The following COQ10B variants were observed in gnomAD, a reference collection of about 807,000 sequenced individuals.
COQ10B encodes the protein coenzyme Q-binding protein COQ10 homolog B, mitochondrial.
In COQ10B, 12 loss-of-function variants were observed where a neutral mutation model predicts 27.6. The observed-to-expected ratio is 0.43, with a 90% CI of 0.28 to 0.70. The LOEUF is 0.70. Among genes scored for constraint, COQ10B ranks in the 30% least tolerant of loss-of-function variants. The probability of loss-of-function intolerance (pLI) is 0.17; values close to 1 mark genes in which losing one functional copy is unlikely to be tolerated. For missense variants in COQ10B, 278 were observed against 288.7 expected (o/e 0.96, Z 0.27); for synonymous variants, 115 against 103.0 (o/e 1.12, Z -0.71).
chr2:197,473,415 A>ATATATATATAT (rs1553575308), intron 4 of COQ10B, among the ~76,000 whole-genome samples: 5 of 59,500 alleles, frequency 8.4e-5, no homozygotes, highest in Admixed American at 2.2e-4. Flanking sequence ...AAAAAAAAAA[A>ATATATATATAT]ATATATATAT....
At chr2:197,458,265 C>T (rs1408800539) in intron 1 of COQ10B, among the ~76,000 whole-genome samples, 1 of 152,052 alleles carries the variant, frequency 6.6e-6, no homozygotes, top group Non-Finnish European at 1.5e-5. Flanking sequence ...TTAAATGCTA[C>T]TAATGCCTAT....
chr2:197,454,016 C>T (rs1336808002), intron 1 of COQ10B: 2 of 1,551,092 alleles, frequency 1.3e-6, no homozygotes, highest in African/African-American at 1.4e-5. Context: ...GAAGGGTTGC[C>T]GGCTGCTGGC....
Position 197,462,642 on chromosome 2 carries a change from T to C in COQ10B, c.358T>C (p.Tyr120His). 1 of 1,603,016 alleles carries C rather than the reference T, an allele frequency of 6.2e-7. No homozygotes were observed. Among genetic ancestry groups the C allele is most frequent in the Non-Finnish European group, 8.5e-7 (1 of 1,173,638 alleles). The change falls in exon 3 of 5, where the codon TAT becomes CAT. Residue 120 changes from tyrosine (Y) to histidine (H), a missense_variant. Physicochemically the swap from Tyr to His is moderately conservative, Grantham distance 83 (BLOSUM62 2). Around this residue, in one of 3 missense-constraint regions of COQ10B, gnomAD observed 183 missense variants for 158.2 expected, o/e 1.16. Coordinates refer to ENST00000263960, the MANE Select transcript of COQ10B (RefSeq NM_025147.5). The part of the protein sequence containing the change: ...KSDVISKRSG[Y>H]CKTRLEIGFP... The stretch of plus-strand genomic sequence containing the variant: ...AGATGTTATATCAAAGAGATCTGGA[T>C]ATTGTAAAACAAGATTAGAAATTGG...
intron 2 of COQ10B, among the ~76,000 whole-genome samples, chr2:197,461,556 AGTCTGT>A (rs1393909134): frequency 1.1e-5 from 1 of 89,068 alleles, no homozygotes; most frequent in East Asian, 3.0e-4. Flanking sequence ...ATACTGATTT[AGTCTGT>A]GTGTGTGTGT....
At chr2:197,460,667 T>C (rs1221011262) in intron 2 of COQ10B, among the ~76,000 whole-genome samples, 2 of 152,238 alleles carry the variant, frequency 1.3e-5, no homozygotes, top group Non-Finnish European at 2.9e-5. Flanking sequence ...TTTACATAGC[T>C]TCCTCATGTA....
At chr2:197,454,255 A>G (rs2085671656) in intron 1 of COQ10B, 1 of 975,322 alleles carries the variant, frequency 1.0e-6, no homozygotes, top group Non-Finnish European at 1.5e-6. Flanking sequence ...TGGTTGGTTC[A>G]TTTTTTGGTA....
intron 3 of COQ10B, 122 bp from the exon 4 acceptor site, chr2:197,469,948 A>G (rs181830692): frequency 8.6e-6 from 5 of 578,706 alleles, no homozygotes; most frequent in Admixed American, 3.4e-5. Flanking sequence ...TTTATCTCCT[A>G]TGGTCTGACC....
chr2:197,466,031 G>A (rs1027585239), intron 3 of COQ10B, among the ~76,000 whole-genome samples: 6 of 152,162 alleles, frequency 3.9e-5, no homozygotes, highest in Non-Finnish European at 7.3e-5. Flanking sequence ...GGCAGAGGTT[G>A]CAGTGAGCCG....
intron 2 of COQ10B, 74 bp downstream of exon 2, chr2:197,460,155 T>A (rs2085741198): frequency 3.0e-6 from 3 of 1,009,192 alleles, no homozygotes; most frequent in Non-Finnish European, 4.3e-6. Context: ...TGTGCCTCTT[T>A]CTCTCTGGAT....
At chr2:197,454,266 G>A in intron 1 of COQ10B, 1 of 824,034 alleles carries the variant, frequency 1.2e-6, no homozygotes, top group Middle Eastern at 2.3e-4. Context: ...TTTTTTGGTA[G>A]GTGGGGGTGG....
intron 3 of COQ10B, among the ~76,000 whole-genome samples, chr2:197,468,692 C>T (rs980536814): frequency 6.6e-6 from 1 of 150,838 alleles, no homozygotes; most frequent in African/African-American, 2.4e-5. Flanking sequence ...AGGTGGTTCA[C>T]GCCTGCTGTA....
chr2:197,468,428 G>A (rs1044420484), intron 3 of COQ10B, among the ~76,000 whole-genome samples: 2 of 140,940 alleles, frequency 1.4e-5, no homozygotes, highest in Non-Finnish European at 3.1e-5. Context: ...GGGTGACAGA[G>A]TGAGACTCCG....
chr2:197,472,817 A>AG (rs1161050025), intron 4 of COQ10B, among the ~76,000 whole-genome samples: 3 of 149,982 alleles, frequency 2.0e-5, no homozygotes, highest in African/African-American at 7.3e-5. Flanking sequence ...AAAAAAAAAA[A>AG]AAAAGAAAGA....
At chr2:197,472,867 C>G (rs888968720) in intron 4 of COQ10B, among the ~76,000 whole-genome samples, 1 of 151,518 alleles carries the variant, frequency 6.6e-6, no homozygotes, top group Admixed American at 6.6e-5. Context: ...GTTAGGCACA[C>G]ATGTGCATGC....
intron 3 of COQ10B, among the ~76,000 whole-genome samples, chr2:197,465,178 C>A (rs958606920): frequency 1.3e-5 from 2 of 152,094 alleles, no homozygotes; most frequent in African/African-American, 4.8e-5. Flanking sequence ...AACCACCGCA[C>A]CCATCCAGAA....
At chr2:197,454,091 A>G (rs773133519) in intron 1 of COQ10B, 3 of 1,550,814 alleles carry the variant, frequency 1.9e-6, no homozygotes, top group Non-Finnish European at 2.6e-6. Context: ...CCAGATGGTC[A>G]GATGCGTTTT....
chr2:197,462,689 A>C lies in COQ10B; in HGVS notation c.405A>C (p.Arg135=), dbSNP rs768866473. The change falls in exon 3 of 5, where the codon CGA becomes CGC. Residue 135 remains arginine (R), a synonymous_variant. Coordinates refer to ENST00000263960, the MANE Select transcript of COQ10B (RefSeq NM_025147.5). ...LEIGFPPVLE[R]YTSVVTLVKP... is the part of the protein sequence containing the mutation. ...TTGGATTTCCACCTGTGTTGGAGCG[A>C]TATACATCAGTAGTAACCTTGGTGA... 3.1e-6 allele frequency: 5 copies of C among 1,597,298 alleles called. No homozygotes were observed. Among genetic ancestry groups the C allele is most frequent in the Non-Finnish European group, 2.6e-6 (3 of 1,174,344 alleles).
intron 3 of COQ10B, among the ~76,000 whole-genome samples, chr2:197,464,078 CACAT>C (rs1370590166): frequency 1.5e-5 from 2 of 134,244 alleles, no homozygotes; most frequent in Non-Finnish European, 1.6e-5. Flanking sequence ...CACACACACA[CACAT>C]ATATATATAT....
intron 3 of COQ10B, among the ~76,000 whole-genome samples, chr2:197,468,050 T>C (rs751071404): frequency 6.6e-6 from 1 of 152,184 alleles, no homozygotes; most frequent in African/African-American, 2.4e-5. Flanking sequence ...ATGAGGTCTT[T>C]GGCAAACTCT....
Sources: gnomAD v4.1 joint callset for allele counts (sites outside exome capture counted in the v4.1 genomes callset) on GRCh38, gnomAD v4.1.1 for gene constraint, gnomAD v4.1.1 regional missense constraint, MANE v1.5 for transcripts, NCBI Gene and HGNC (gene_info 2026-07-23, HGNC 2026-07-21) for gene names.